The following DCAF17 variants were observed in gnomAD, a reference collection of about 807,000 sequenced individuals.
The protein encoded by DCAF17 is DDB1- and CUL4-associated factor 17.
Under a neutral mutation model 66.0 loss-of-function variants are expected in DCAF17, and 48 were observed. The ratio of observed to expected loss-of-function variants is 0.73; its 90% confidence interval spans 0.58 to 0.92. DCAF17 has a LOEUF of 0.92. Ranked by LOEUF, DCAF17 falls within the 40% of genes least tolerant of loss-of-function variation. DCAF17 has a pLI of 0.00. For synonymous variants in DCAF17, 206 were observed against 214.6 expected, an observed-to-expected ratio of 0.96 and a Z score of 0.35; for missense variants, 562 against 622.8, an observed-to-expected ratio of 0.90 and a Z score of 1.04.
chr2:171,440,879 T>C (rs1694267777), intron 2 of DCAF17, among the ~76,000 whole-genome samples: 1 of 152,322 alleles, frequency 6.6e-6, no homozygotes, highest in East Asian at 1.9e-4. Context: ...AGAATAATTA[T>C]GGATTTTCAG....
At chr2:171,459,957 G>A (rs1695479215) in intron 8 of DCAF17, among the ~76,000 whole-genome samples, 1 of 152,128 alleles carries the variant, frequency 6.6e-6, no homozygotes, top group Non-Finnish European at 1.5e-5. Flanking sequence ...GTGGTAACCA[G>A]GTTATTTTGA....
At chr2:171,466,113 C>T (rs1695883465) in intron 8 of DCAF17, among the ~76,000 whole-genome samples, 1 of 152,140 alleles carries the variant, frequency 6.6e-6, no homozygotes, top group Non-Finnish European at 1.5e-5. Context: ...ATCCACCCAC[C>T]TTGGCTTCCT....
intron 2 of DCAF17, 120 bp from the exon 3 acceptor site, chr2:171,443,403 G>A: frequency 1.4e-6 from 1 of 711,464 alleles, no homozygotes; most frequent in South Asian, 1.8e-5. Flanking sequence ...TAGTTAAGAG[G>A]AAAGCAAATA....
chr2:171,482,766 C>G lies in DCAF17; in HGVS notation c.*1652C>G, dbSNP rs1242661059. On this transcript the variant is annotated 3_prime_UTR_variant, in exon 14 of 14. Transcript: ENST00000375255. ...TAAGGAACTCGTCTATTCTGAAAGG[C>G]ATTTGAGAAATAGCTGAATTCCTGG... is the stretch of plus-strand genomic sequence containing the variant. The G allele has an allele frequency of 2.2e-6, 1 of 453,574 alleles. No homozygotes were observed. Among genetic ancestry groups the G allele is most frequent in the Non-Finnish European group, 4.4e-6 (1 of 226,636 alleles). The allele number at this position is 453,574 out of a possible 1,614,324, so 28.1% of individuals were successfully genotyped here. A position where few individuals can be genotyped will look rare whatever the true frequency, so the allele number is the denominator to read the frequency against.
At chr2:171,450,069 G>GAT (rs1456900219) in intron 5 of DCAF17, 112 bp downstream of exon 5, 6 of 965,156 alleles carry the variant, frequency 6.2e-6, no homozygotes, top group Non-Finnish European at 9.7e-6. Context: ...TGCTGTAAAA[G>GAT]ATAGGATTCA....
chr2:171,468,799 G>A, intron 8 of DCAF17, 89 bp from the exon 9 acceptor site: 1 of 1,494,168 alleles, frequency 6.7e-7, no homozygotes, highest in South Asian at 1.1e-5. Context: ...TATAGATGTT[G>A]CATGCAAAGA....
At chr2:171,460,077 C>CA (rs1695486301) in intron 8 of DCAF17, among the ~76,000 whole-genome samples, 1 of 152,036 alleles carries the variant, frequency 6.6e-6, no homozygotes, top group Non-Finnish European at 1.5e-5. Context: ...GTAATTCCAG[C>CA]ACTTTGGGAG....
chr2:171,458,004 C>T lies in DCAF17; in HGVS notation c.661C>T (p.His221Tyr), dbSNP rs1467046360. 2 of 1,614,088 alleles carry T rather than the reference C, an allele frequency of 1.2e-6. No individual in the cohort carries two copies. The highest frequency in any genetic ancestry group is 1.7e-6 in the Non-Finnish European group (2 of 1,179,982). Residue 221 changes from histidine to tyrosine, a missense_variant, in exon 7 of 14, where the codon CAT (histidine) becomes TAT (tyrosine). Physicochemically the swap from His to Tyr is moderately conservative, Grantham distance 83. Around this residue, in one of 3 missense-constraint regions of DCAF17, gnomAD observed 348 missense variants for 355.9 expected, o/e 0.98. Transcript: ENST00000375255. Reference protein sequence around the residue: ...FGNVTDATLSHGILIVMYSSG... With the variant: ...FGNVTDATLSYGILIVMYSSG... ...GAACGTTACAGATGCTACCTTGTCT[C>T]ATGGAATACTGATTGTGATGTACAG...
At chr2:171,460,668 C>A (rs1695535092) in intron 8 of DCAF17, among the ~76,000 whole-genome samples, 1 of 151,946 alleles carries the variant, frequency 6.6e-6, no homozygotes. Context: ...GTAGCTGGGA[C>A]TACAGGTGCA....
At position 171,476,794 on chromosome 2, in the gene DCAF17, T is replaced by C. The variant is rs1246102615; in HGVS notation, c.1092-66T>C. The C allele has an allele frequency of 2.5e-6, 3 of 1,188,334 alleles. No homozygotes were observed. In the African/African-American group the frequency reaches 4.5e-5, roughly 18 times the overall value. 73.6% of individuals were successfully genotyped at this position (1,188,334 alleles called of 1,614,324 possible). On this transcript the variant is annotated intron_variant, in intron 10 of 13. Transcript: ENST00000375255. ...TATTTGTTGAGTTTTACTTCAGTAC[T>C]TAAACTTTGGCACCTTGATGGTGTT...
chr2:171,450,661 A>G (rs1178281977), intron 5 of DCAF17, among the ~76,000 whole-genome samples: 3 of 152,156 alleles, frequency 2.0e-5, no homozygotes, highest in Non-Finnish European at 2.9e-5. Flanking sequence ...GAAAAAGCAA[A>G]TACTTATTTT....
chr2:171,439,144 A>AT (rs1694144636), intron 2 of DCAF17, among the ~76,000 whole-genome samples: 1 of 151,162 alleles, frequency 6.6e-6, no homozygotes, highest in African/African-American at 2.4e-5. Context: ...TTCTTTCAAG[A>AT]TTTTCTCTTC....
Position 171,434,672 on chromosome 2 carries a change from A to G in DCAF17, c.95A>G (p.Asn32Ser), listed in dbSNP as rs748586810. The G allele has an allele frequency of 1.8e-5, 27 of 1,512,074 alleles. No homozygotes were observed. Among genetic ancestry groups the G allele is most frequent in the African/African-American group, 2.9e-5 (2 of 69,396 alleles). The allele number at this position is 1,512,074 out of a possible 1,614,324, so 93.7% of individuals were successfully genotyped here. ...GACGCAGGCGTGGTGCAGAGGACCAACCTGGGCATCCTGCGGGCGCTGGTG... is the reference window on the plus strand; with the variant it reads ...GACGCAGGCGTGGTGCAGAGGACCAGCCTGGGCATCCTGCGGGCGCTGGTG... Reference protein sequence around the residue: ...SRDAGVVQRTNLGILRALVCQ... With the variant: ...SRDAGVVQRTSLGILRALVCQ... The change falls in exon 1 of 14, where the codon AAC (asparagine) becomes AGC (serine). Residue 32 changes from asparagine to serine, a missense_variant. Asn to Ser is a conservative substitution (Grantham distance 46, BLOSUM62 1). Around this residue, in one of 3 missense-constraint regions of DCAF17, gnomAD observed 348 missense variants for 355.9 expected, o/e 0.98. Coordinates refer to ENST00000375255, the MANE Select transcript of DCAF17 (RefSeq NM_025000.4).
intron 5 of DCAF17, among the ~76,000 whole-genome samples, chr2:171,450,701 T>G (rs531388737): frequency 2.0e-5 from 3 of 152,160 alleles, no homozygotes; most frequent in Non-Finnish European, 4.4e-5. Context: ...TCTGTTGTAG[T>G]TCTTTCTCAT....
chr2:171,443,356 T>A (rs183914118), intron 2 of DCAF17, 167 bp from the exon 3 acceptor site: 27 of 554,838 alleles, frequency 4.9e-5, no homozygotes, highest in East Asian at 1.9e-4. Context: ...TGTTTTTTTT[T>A]ATATGAATTA....
At chr2:171,440,698 T>A (rs1485837072) in intron 2 of DCAF17, among the ~76,000 whole-genome samples, 1 of 152,232 alleles carries the variant, frequency 6.6e-6, no homozygotes, top group Non-Finnish European at 1.5e-5. Context: ...CCGTAGGTAT[T>A]AGAGGTTAAA....
intron 10 of DCAF17, among the ~76,000 whole-genome samples, chr2:171,476,252 A>C (rs546672144): frequency 2.0e-5 from 3 of 151,958 alleles, no homozygotes; most frequent in Admixed American, 6.6e-5. Context: ...AAATTATTTT[A>C]TTTTCTTTTA....
Position 171,458,483 on chromosome 2 carries a change from G to T in DCAF17, c.838+6G>T. ...TTGTAATATTAAAATCACAGGTATG[G>T]CTACTCTATAGTATTTTTTCACCTT... On this transcript the variant is annotated splice_donor_region_variant and intron_variant, in intron 8 of 13. Coordinates refer to ENST00000375255, the MANE Select transcript of DCAF17 (RefSeq NM_025000.4). 1.3e-6 allele frequency: 2 copies of T among 1,598,114 alleles called. No individual in the cohort carries two copies. Among genetic ancestry groups the T allele is most frequent in the Admixed American group, 1.7e-5 (1 of 59,928 alleles).
intron 5 of DCAF17, 77 bp downstream of exon 5, chr2:171,450,034 C>A: frequency 8.0e-7 from 1 of 1,244,998 alleles, no homozygotes; most frequent in Non-Finnish European, 1.2e-6. Context: ...TATGAAAAAT[C>A]TAATGATCTT....
Sources: allele counts gnomAD v4.1 joint callset (sites outside exome capture counted in the v4.1 genomes callset), GRCh38; gene constraint gnomAD v4.1.1; regional missense constraint gnomAD v4.1.1; transcripts MANE v1.5; gene names NCBI Gene and HGNC (gene_info 2026-07-23, HGNC 2026-07-21).